Variants in FXR2 observed in about 807,000 individuals in gnomAD.
FXR2 encodes the protein FMR1 autosomal homolog 2.
Under a neutral mutation model 87.3 loss-of-function variants are expected in FXR2, and 9 were observed. The observed-to-expected ratio is 0.10, with a 90% confidence interval of 0.06 to 0.18. The LOEUF is 0.18. Ranked by LOEUF, FXR2 falls within the 10% of genes least tolerant of loss-of-function variation. The pLI is 1.00. For synonymous variants in FXR2, 331 were observed against 328.3 expected (o/e 1.01, Z -0.09); for missense variants, 661 against 893.6 (o/e 0.74, Z 3.32).
intron 7 of FXR2, among the ~76,000 whole-genome samples, chr17:7,597,715 C>T (rs934216728): frequency 2.0e-5 from 3 of 152,156 alleles, no homozygotes; most frequent in African/African-American, 2.4e-5. Context: ...GGCCCCTTTC[C>T]GGTTTTTAGA....
At position 7,591,456 on chromosome 17, in the gene FXR2, TGGGAGGAGGGATAGCAG is replaced by T. The variant is rs1004007403; in HGVS notation, c.*357_*373del. 3 of 256,598 alleles carry T rather than the reference TGGGAGGAGGGATAGCAG, an allele frequency of 1.2e-5. No individual in the cohort carries two copies. Among genetic ancestry groups the T allele is most frequent in the Non-Finnish European group, 2.3e-5 (3 of 129,376 alleles). 15.9% of individuals were successfully genotyped at this position (256,598 alleles called of 1,614,324 possible). On this transcript the variant is annotated 3_prime_UTR_variant, in exon 17 of 17. Transcript: ENST00000250113. The surrounding 1 kb of genome is among the most constrained non-coding windows in gnomAD (Gnocchi z 4.0). ...GGCCCCAGAAATGGGGGGTACAGGA[TGGGAGGAGGGATAGCAG>T]GGGAGGCCCCCTGAACGGTCAAATC...
chr17:7,614,085 G>C lies in FXR2; in HGVS notation c.81+367C>G, dbSNP rs1286541373. ...AGACAATTCTCCATGTGCTTGGATC[G>C]TGGGGAAGATGTGATTAAGGTCTAA... On this transcript the variant is annotated intron_variant, in intron 1 of 16. Coordinates refer to ENST00000250113, the MANE Select transcript of FXR2 (RefSeq NM_004860.4). The C allele has an allele frequency of 2.2e-5, 11 of 496,372 alleles. No homozygotes were observed. The East Asian group carries it at 6.1e-4, about 28-fold the overall frequency. The allele number at this position is 496,372 out of a possible 1,614,324, so 30.7% of individuals were successfully genotyped here.
rs1404227250 is a variant in FXR2 at position 7,592,939 on chromosome 17, C to T, written c.1528+45G>A. On this transcript the variant is annotated intron_variant, in intron 13 of 16. Coordinates refer to ENST00000250113, the MANE Select transcript of FXR2 (RefSeq NM_004860.4). The surrounding 1 kb of genome is among the most constrained non-coding windows in gnomAD (Gnocchi z 4.8). ...GAGGAGTTGGCAGTCAGGTGCCCAT[C>T]ATCTTTCCTTTTGGCCCATATTCAT... 3 of 1,545,682 alleles carry T rather than the reference C, an allele frequency of 1.9e-6. No individual in the cohort carries two copies. Among genetic ancestry groups the T allele is most frequent in the African/African-American group, 2.8e-5 (2 of 72,578 alleles).
In FXR2 at chr17:7,600,485, G is replaced by A. The variant is rs527626464; in HGVS notation, c.660+924C>T. 5.9e-5 allele frequency among the ~76,000 whole-genome samples: 9 copies of A among 152,274 alleles called. No individual in the cohort carries two copies. In the South Asian group the frequency reaches 1.7e-3, roughly 28 times the overall value. ...TGCGATTAAAGGCGTGAGCCACCGC[G>A]CCCACCCTAAAAAATAAATATTCTA... is the stretch of plus-strand genomic sequence containing the variant. On this transcript the variant is annotated intron_variant, in intron 7 of 16. Coordinates refer to ENST00000250113, the MANE Select transcript of FXR2 (RefSeq NM_004860.4).
At chr17:7,604,468 G>A (rs1296481115) in intron 3 of FXR2, among the ~76,000 whole-genome samples, 1 of 152,044 alleles carries the variant, frequency 6.6e-6, no homozygotes, top group Non-Finnish European at 1.5e-5. Context: ...GAGGTGGGCT[G>A]ATCACCTGAA....
rs1413351554 is a variant in FXR2 at position 7,591,351 on chromosome 17, C to T, written c.*479G>A. On this transcript the variant is annotated 3_prime_UTR_variant, in exon 17 of 17. Transcript: ENST00000250113. The surrounding 1 kb of genome is among the most constrained non-coding windows in gnomAD (Gnocchi z 4.0). The stretch of plus-strand genomic sequence containing the variant: ...GGACCTTGTCACCCCCCTTCATACA[C>T]ACCCCTGGTTCTACTCCAAAACCTT... 1 of 171,288 alleles carries T rather than the reference C, an allele frequency of 5.8e-6. No homozygotes were observed. The highest frequency in any genetic ancestry group is 2.4e-5 in the African/African-American group (1 of 41,556). The allele number at this position is 171,288 out of a possible 1,614,324, so 10.6% of individuals were successfully genotyped here.
rs774406691 is a variant in FXR2 at position 7,592,377 on chromosome 17, A to G, written c.1826-23T>C. 1.5e-5 allele frequency: 24 copies of G among 1,585,878 alleles called. No individual in the cohort carries two copies. Among genetic ancestry groups the G allele is most frequent in the Non-Finnish European group, 1.8e-5 (21 of 1,154,500 alleles). On this transcript the variant is annotated intron_variant, in intron 15 of 16. Coordinates refer to ENST00000250113, the MANE Select transcript of FXR2 (RefSeq NM_004860.4). This position sits in a 1 kb window ranked among gnomAD's most constrained non-coding sequence, Gnocchi z 4.8. ...TCACTGGGGAAGGCAGGAGATTAAG[A>G]CTTTCAGATGGAATTCTGGTAGCCA...
intron 1 of FXR2, among the ~76,000 whole-genome samples, chr17:7,610,279 A>T (rs1200607977): frequency 6.6e-6 from 1 of 152,088 alleles, no homozygotes; most frequent in African/African-American, 2.4e-5. Flanking sequence ...TCAAGGCAGG[A>T]GTTACACTGA....
chr17:7,607,382 C>T (rs2071811651), intron 1 of FXR2, among the ~76,000 whole-genome samples: 2 of 151,680 alleles, frequency 1.3e-5, no homozygotes, highest in South Asian at 4.2e-4. Context: ...AAGGTTTTCT[C>T]TTATGTCTTC....
Position 7,592,713 on chromosome 17 carries a change from G to A in FXR2, c.1710C>T (p.Asn570=), listed in dbSNP as rs1350910213. ...CCTCACCCAGGCCATTCTCTGTCATGTTGGGCCCATCTGATTCCAGGCCTC... is the reference window on the plus strand; with the variant it reads ...CCTCACCCAGGCCATTCTCTGTCATATTGGGCCCATCTGATTCCAGGCCTC... ...MDGGLESDGP[N]MTENGLEDES... is the part of the protein sequence containing the mutation. The change falls in exon 14 of 17, where the codon AAC becomes AAT. Residue 570 remains asparagine, a synonymous_variant. Transcript: ENST00000250113. The surrounding 1 kb of genome is among the most constrained non-coding windows in gnomAD (Gnocchi z 4.8). The A allele has an allele frequency of 1.5e-5, 25 of 1,613,574 alleles. No homozygotes were observed. The highest frequency in any genetic ancestry group is 2.2e-5 in the East Asian group (1 of 44,856).
At position 7,595,138 on chromosome 17, in the gene FXR2, T is replaced by C. The variant is rs1235892212; in HGVS notation, c.832-381A>G. On this transcript the variant is annotated intron_variant, in intron 8 of 16. Transcript: ENST00000250113. The surrounding 1 kb of genome is among the most constrained non-coding windows in gnomAD (Gnocchi z 4.7). ...TCATAAAAAAAAAAAATTAAACAAA[T>C]AAATAACTTAAAAAAAAAAACAGAG... is the stretch of plus-strand genomic sequence containing the variant. Among the ~76,000 whole-genome samples the C allele has an allele frequency of 6.8e-6, 1 of 147,636 alleles. No individual in the cohort carries two copies. The highest frequency in any genetic ancestry group is 1.5e-5 in the Non-Finnish European group (1 of 66,662).
Position 7,593,283 on chromosome 17 carries a change from C to T in FXR2, c.1331-102G>A. 1.6e-6 allele frequency: 2 copies of T among 1,224,844 alleles called. No individual in the cohort carries two copies. The highest frequency in any genetic ancestry group is 2.3e-6 in the Non-Finnish European group (2 of 885,938). 75.9% of individuals were successfully genotyped at this position (1,224,844 alleles called of 1,614,324 possible). A position where few individuals can be genotyped will look rare whatever the true frequency, so the allele number is the denominator to read the frequency against. ...TTCTCCTTCTCACTCACAAGCCTCC[C>T]AGCCAATCAATCACTTTTTCATCAT... On this transcript the variant is annotated intron_variant, in intron 12 of 16. Transcript: ENST00000250113. The surrounding 1 kb of genome is among the most constrained non-coding windows in gnomAD (Gnocchi z 6.1).
intron 1 of FXR2, among the ~76,000 whole-genome samples, chr17:7,609,959 T>TATATATACATGTATATGTATAC: frequency 9.8e-6 from 1 of 101,706 alleles, no homozygotes; most frequent in Non-Finnish European, 2.5e-5. Context: ...TGTATACATA[T>TATATATACATGTATATGTATAC]ATATACATGT....
In FXR2 at chr17:7,595,883, G is replaced by A; in HGVS notation, c.772C>T (p.Pro258Ser). 6.2e-7 allele frequency: 1 copy of A among 1,613,814 alleles called. No individual in the cohort carries two copies. The highest frequency in any genetic ancestry group is 8.5e-7 in the Non-Finnish European group (1 of 1,179,838). Residue 258 changes from proline to serine, a missense_variant, in exon 8 of 17, where the codon CCT (proline) becomes TCT (serine). By Grantham distance (74) the Pro-to-Ser change is moderately conservative. Transcript: ENST00000250113. The surrounding 1 kb of genome is among the most constrained non-coding windows in gnomAD (Gnocchi z 4.7). Reference sequence around the variant, plus strand: ...CCCAACTCAATGGCGGTCACCCCAGGTACTTTTCGGGCCTGCTGGATGTTG... The same window carrying A: ...CCCAACTCAATGGCGGTCACCCCAGATACTTTTCGGGCCTGCTGGATGTTG... Reference protein sequence around the residue: ...GANIQQARKVPGVTAIELGEE... With the variant: ...GANIQQARKVSGVTAIELGEE...
At position 7,592,223 on chromosome 17, in the gene FXR2, G is replaced by A; in HGVS notation, c.1926+31C>T. On this transcript the variant is annotated intron_variant, in intron 16 of 16. Coordinates refer to ENST00000250113, the MANE Select transcript of FXR2 (RefSeq NM_004860.4). The surrounding 1 kb of genome is among the most constrained non-coding windows in gnomAD (Gnocchi z 4.8). Reference sequence around the variant, plus strand: ...CTGCCCCAGAGTAACAACAAAAAAGGGATGGGGTAAAGCACATCTTGCCTG... The same window carrying A: ...CTGCCCCAGAGTAACAACAAAAAAGAGATGGGGTAAAGCACATCTTGCCTG... 6.4e-7 allele frequency: 1 copy of A among 1,557,324 alleles called. No homozygotes were observed. The highest frequency in any genetic ancestry group is 8.8e-7 in the Non-Finnish European group (1 of 1,132,494).
chr17:7,602,195 G>A (rs570326813), intron 6 of FXR2, among the ~76,000 whole-genome samples: 5 of 151,996 alleles, frequency 3.3e-5, no homozygotes, highest in South Asian at 4.2e-4. Context: ...AGGCCAAGGC[G>A]GGCGGATCAC....
chr17:7,597,110 A>AG (rs2071713682), intron 7 of FXR2, among the ~76,000 whole-genome samples: 1 of 152,074 alleles, frequency 6.6e-6, no homozygotes, highest in Admixed American at 6.6e-5. Context: ...AAAAAAAGTG[A>AG]GGGGTTAAGA....
chr17:7,605,706 T>C lies in FXR2; in HGVS notation c.167A>G (p.Asp56Gly), dbSNP rs2071797709. 4 of 1,595,860 alleles carry C rather than the reference T, an allele frequency of 2.5e-6. No individual in the cohort carries two copies. The highest frequency in any genetic ancestry group is 3.4e-6 in the Non-Finnish European group (4 of 1,164,790). The part of the protein sequence containing the change: ...WQSERQIPFG[D>G]VRLPPPADYN... ...GTCAGCTGGAGGTGGTAGCCGGACA[T>C]CCCCAAAAGGAATTTGTCTCTCACT... The change falls in exon 3 of 17, where the codon GAT (aspartate) becomes GGT (glycine). Residue 56 changes from aspartate to glycine, a missense_variant. By Grantham distance (94) the Asp-to-Gly change is moderately conservative. Coordinates refer to ENST00000250113, the MANE Select transcript of FXR2 (RefSeq NM_004860.4).
chr17:7,608,607 ACT>A (rs1161017844), intron 1 of FXR2, among the ~76,000 whole-genome samples: 1 of 140,884 alleles, frequency 7.1e-6, no homozygotes, highest in East Asian at 2.0e-4. Context: ...AACAGGGCAA[ACT>A]CTGCCTCAAA....
Sources: allele counts gnomAD v4.1 joint callset (sites outside exome capture counted in the v4.1 genomes callset), GRCh38; gene constraint gnomAD v4.1.1; non-coding constraint Gnocchi (gnomAD v3.1); transcripts MANE v1.5; gene names NCBI Gene and HGNC (gene_info 2026-07-23, HGNC 2026-07-21).